PALM2AKAP2: variants seen among roughly 807,000 people sequenced by gnomAD.
PALM2AKAP2 encodes the protein PALM2-AKAP2 fusion protein.
Under a neutral mutation model 71.5 loss-of-function variants are expected in PALM2AKAP2, and 37 were observed. That is an observed-to-expected ratio of 0.52 (90% CI 0.40 to 0.68). The LOEUF is 0.68. Among genes scored for constraint, PALM2AKAP2 ranks in the 30% least tolerant of loss-of-function variants. The pLI is 0.00. For missense variants in PALM2AKAP2, 1,224 were observed against 1,191.8 expected (o/e 1.03, Z -0.40); for synonymous variants, 468 against 478.8 (o/e 0.98, Z 0.29).
intron 1 of PALM2AKAP2, among the ~76,000 whole-genome samples, chr9:109,840,754 GAC>G (rs1485669600): frequency 3.9e-5 from 6 of 152,168 alleles, no homozygotes; most frequent in African/African-American, 1.4e-4. Context: ...GCAGCCAAAA[GAC>G]ACATGAAAAA....
chr9:109,659,661 G>A (rs908809925), intron 1 of PALM2AKAP2, among the ~76,000 whole-genome samples: 1 of 151,930 alleles, frequency 6.6e-6, no homozygotes, highest in Non-Finnish European at 1.5e-5. Context: ...TTAACACTTT[G>A]CAAAGATGTG....
At chr9:109,664,507 A>G (rs1291255378) in intron 1 of PALM2AKAP2, among the ~76,000 whole-genome samples, 1 of 152,156 alleles carries the variant, frequency 6.6e-6, no homozygotes, top group Non-Finnish European at 1.5e-5. Flanking sequence ...AAGAATGTTG[A>G]ATATTGGTCC....
intron 1 of PALM2AKAP2, among the ~76,000 whole-genome samples, chr9:109,835,419 A>G (rs1237650899): frequency 6.6e-6 from 1 of 151,908 alleles, no homozygotes; most frequent in Non-Finnish European, 1.5e-5. Context: ...ATGGCCGAAT[A>G]GGAACAGCTC....
intron 2 of PALM2AKAP2, among the ~76,000 whole-genome samples, chr9:109,869,138 C>T (rs960353693): frequency 1.3e-5 from 2 of 152,122 alleles, no homozygotes; most frequent in South Asian, 2.1e-4. Context: ...TTAAGCTCAA[C>T]GTAGTTCTTT....
chr9:109,995,915 G>A (rs1391482907), intron 6 of PALM2AKAP2, among the ~76,000 whole-genome samples: 2 of 152,222 alleles, frequency 1.3e-5, no homozygotes, highest in Admixed American at 6.5e-5. Flanking sequence ...GAGGAAGGAT[G>A]AGGCAGGAAA....
intron 3 of PALM2AKAP2, among the ~76,000 whole-genome samples, chr9:109,910,157 G>A (rs1011948542): frequency 6.6e-6 from 1 of 152,226 alleles, no homozygotes; most frequent in Admixed American, 6.5e-5. Flanking sequence ...ATACATGTAC[G>A]TGATGATAGT....
At chr9:109,654,964 C>G (rs1006687547) in intron 1 of PALM2AKAP2, among the ~76,000 whole-genome samples, 26 of 152,172 alleles carry the variant, frequency 1.7e-4, no homozygotes, top group African/African-American at 6.3e-4. Context: ...ACTTGTTACT[C>G]TCTCCCCACA....
intron 1 of PALM2AKAP2, among the ~76,000 whole-genome samples, chr9:110,065,544 T>C (rs749172547): frequency 1.3e-5 from 2 of 152,220 alleles, no homozygotes; most frequent in Non-Finnish European, 2.9e-5. Context: ...ATTTTAATTG[T>C]GTGACATAAA....
chr9:109,688,715 T>G, intron 1 of PALM2AKAP2, among the ~76,000 whole-genome samples: 1 of 152,162 alleles, frequency 6.6e-6, no homozygotes, highest in East Asian at 1.9e-4. Context: ...GCAGTATGAG[T>G]AGGGATATAC....
chr9:109,894,814 C>A (rs892324593), intron 3 of PALM2AKAP2, among the ~76,000 whole-genome samples: 5 of 152,116 alleles, frequency 3.3e-5, no homozygotes, highest in African/African-American at 1.2e-4. Context: ...CACGGCCTCG[C>A]TCTGTTGCCC....
intron 1 of PALM2AKAP2, among the ~76,000 whole-genome samples, chr9:110,072,304 C>T (rs946765912): frequency 2.0e-5 from 3 of 152,126 alleles, no homozygotes; most frequent in Non-Finnish European, 4.4e-5. Context: ...CTTGGGATGG[C>T]GGGCTCTCTC....
chr9:109,798,404 G>A (rs535382152), intron 1 of PALM2AKAP2, among the ~76,000 whole-genome samples: 1 of 152,182 alleles, frequency 6.6e-6, no homozygotes, highest in Admixed American at 6.5e-5. Context: ...TAGAAATTGT[G>A]TCCCAGGGGA....
intron 3 of PALM2AKAP2, among the ~76,000 whole-genome samples, chr9:110,158,173 C>T (rs1431827782): frequency 6.6e-6 from 1 of 152,222 alleles, no homozygotes; most frequent in Non-Finnish European, 1.5e-5. Flanking sequence ...GTCACTTTCA[C>T]CAGCCCTTCT....
chr9:109,735,851 A>G (rs1464182792), intron 1 of PALM2AKAP2, among the ~76,000 whole-genome samples: 1 of 152,218 alleles, frequency 6.6e-6, no homozygotes, highest in Non-Finnish European at 1.5e-5. Flanking sequence ...CCTGCTGCTT[A>G]AGACTGTAAC....
At chr9:110,134,507 A>C (rs1168587323) in intron 1 of PALM2AKAP2, among the ~76,000 whole-genome samples, 1 of 152,194 alleles carries the variant, frequency 6.6e-6, no homozygotes, top group Non-Finnish European at 1.5e-5. Flanking sequence ...TGAATAATTT[A>C]AGTCTGAAAG....
chr9:109,795,525 G>A (rs1827228765), intron 1 of PALM2AKAP2, among the ~76,000 whole-genome samples: 1 of 152,226 alleles, frequency 6.6e-6, no homozygotes, highest in South Asian at 2.1e-4. Context: ...TGGGATGGCA[G>A]ATGGTTTTCA....
intron 7 of PALM2AKAP2, among the ~76,000 whole-genome samples, chr9:110,017,142 G>A (rs1832997491): frequency 1.3e-5 from 2 of 152,248 alleles, no homozygotes. Flanking sequence ...GCCTCCCAAA[G>A]TGCTGGGATT....
At chr9:109,847,498 T>TGTTTCGA (rs1828893636) in intron 1 of PALM2AKAP2, 1 of 152,212 alleles carries the variant, frequency 6.6e-6, no homozygotes, top group South Asian at 2.1e-4. Flanking sequence ...TCCCAGCACC[T>TGTTTCGA]TGGGAGGCCA....
chr9:110,022,376 A>G, intron 7 of PALM2AKAP2, among the ~76,000 whole-genome samples: 1 of 152,166 alleles, frequency 6.6e-6, no homozygotes, highest in Non-Finnish European at 1.5e-5. Context: ...CCCTCTGCTA[A>G]GGCCCTGCTG....
Sources: gnomAD v4.1 joint callset for allele counts (sites outside exome capture counted in the v4.1 genomes callset) on GRCh38, gnomAD v4.1.1 for gene constraint, MANE v1.5 for transcripts, NCBI Gene and HGNC (gene_info 2026-07-23, HGNC 2026-07-21) for gene names.